The following UGT1A10 variants were observed in gnomAD, a reference collection of about 807,000 sequenced individuals.
UGT1A10 encodes UDP glucuronosyltransferase family 1 member A10.
In UGT1A10, 49 loss-of-function variants were observed where a neutral mutation model predicts 45.8. The ratio of observed to expected loss-of-function variants is 1.07; its 90% CI spans 0.85 to 1.36. The LOEUF (loss-of-function observed/expected upper bound fraction) is 1.36. Ranked by LOEUF, UGT1A10 falls within the 40% of genes most tolerant of loss-of-function variation. The probability of loss-of-function intolerance (pLI) is 0.00; values close to 1 mark genes in which losing one functional copy is unlikely to be tolerated. For missense variants in UGT1A10, 745 were observed against 668.6 expected (o/e 1.11, Z -1.26); for synonymous variants, 284 against 249.7 (o/e 1.14, Z -1.29).
At chr2:233,733,871 G>T (rs1394272645) in intron 1 of UGT1A10, among the ~76,000 whole-genome samples, 1 of 152,036 alleles carries the variant, frequency 6.6e-6, no homozygotes, top group Non-Finnish European at 1.5e-5. Flanking sequence ...AATAGTTTCA[G>T]AAGGAATGGT....
chr2:233,639,866 G>A (rs1382423293), intron 1 of UGT1A10, among the ~76,000 whole-genome samples: 1 of 152,218 alleles, frequency 6.6e-6, no homozygotes, highest in Non-Finnish European at 1.5e-5. Flanking sequence ...GTGTTGATTA[G>A]TGATGTGTAA....
intron 1 of UGT1A10, among the ~76,000 whole-genome samples, chr2:233,727,123 C>T (rs2077584182): frequency 1.3e-5 from 2 of 152,116 alleles, no homozygotes; most frequent in Non-Finnish European, 2.9e-5. Flanking sequence ...GTGAGATTGG[C>T]AGAGGGGAAC....
chr2:233,670,127 G>A (rs2074152816), intron 1 of UGT1A10, among the ~76,000 whole-genome samples: 1 of 152,202 alleles, frequency 6.6e-6, no homozygotes, highest in African/African-American at 2.4e-5. Context: ...AATGAAGTCA[G>A]CTAGAGAAAA....
Position 233,767,161 on chromosome 2 carries a change from A to G in UGT1A10, c.983A>G (p.Gln328Arg), listed in dbSNP as rs72551348. The change falls in exon 2 of 5, where the codon CAG becomes CGG. Residue 328 changes from glutamine (Q) to arginine (R), a missense_variant. Physicochemically the swap from Gln to Arg is conservative, Grantham distance 43. Coordinates refer to ENST00000344644, the MANE Select transcript of UGT1A10 (RefSeq NM_019075.4). Reference sequence around the variant, plus strand: ...GCTGATGCTTTGGGCAAAATCCCTCAGACAGTAAGAAGATTCTATACCATG... The same window carrying G: ...GCTGATGCTTTGGGCAAAATCCCTCGGACAGTAAGAAGATTCTATACCATG... ...AIADALGKIP[Q>R]TVLWRYTGTR... is the part of the protein sequence containing the mutation. 60 of 1,614,012 alleles carry G rather than the reference A, an allele frequency of 3.7e-5. No individual in the cohort carries two copies. The highest frequency in any genetic ancestry group is 4.7e-5 in the Non-Finnish European group (55 of 1,180,018).
rs188435252 is a variant in UGT1A10 at position 233,751,450 on chromosome 2, T to A, written c.856-15584T>A. Among the ~76,000 whole-genome samples the A allele has an allele frequency of 9.0e-3, 1,372 of 152,108 alleles. 30 individuals carry two copies. The highest frequency in any genetic ancestry group is 0.031 in the African/African-American group (1,290 of 41,366). ...GAAATGAGTTAAGACTTTGGAAGAT[T>A]GTTGGGAAGGCACGATTGGTTTTGA... On this transcript the variant is annotated intron_variant, in intron 1 of 4. Coordinates refer to ENST00000344644, the MANE Select transcript of UGT1A10 (RefSeq NM_019075.4).
chr2:233,749,993 A>G (rs1274473533), intron 1 of UGT1A10, among the ~76,000 whole-genome samples: 2 of 151,856 alleles, frequency 1.3e-5, no homozygotes, highest in African/African-American at 4.9e-5. Context: ...GGACTAATAT[A>G]TTAAATTGGT....
intron 1 of UGT1A10, among the ~76,000 whole-genome samples, chr2:233,684,257 G>T (rs1035516558): frequency 6.6e-6 from 1 of 152,204 alleles, no homozygotes; most frequent in African/African-American, 2.4e-5. Flanking sequence ...GACTACAGTT[G>T]TAGGCCTTTC....
At chr2:233,706,326 T>C (rs559515349) in intron 1 of UGT1A10, among the ~76,000 whole-genome samples, 1 of 152,188 alleles carries the variant, frequency 6.6e-6, no homozygotes, top group Non-Finnish European at 1.5e-5. Flanking sequence ...TTGGAACTAT[T>C]CAAGCTGGTG....
At chr2:233,729,878 A>G in intron 1 of UGT1A10, 3 of 1,613,834 alleles carry the variant, frequency 1.9e-6, no homozygotes, top group Non-Finnish European at 1.7e-6. Context: ...ATTCTCAGTC[A>G]TGCATCTGTG....
At chr2:233,717,172 G>A (rs557885764) in intron 1 of UGT1A10, among the ~76,000 whole-genome samples, 1 of 152,170 alleles carries the variant, frequency 6.6e-6, no homozygotes, top group Non-Finnish European at 1.5e-5. Context: ...CTTGAATGTG[G>A]CAAGAGCACC....
At chr2:233,640,300 A>G (rs2073417144) in intron 1 of UGT1A10, among the ~76,000 whole-genome samples, 1 of 152,004 alleles carries the variant, frequency 6.6e-6, no homozygotes, top group African/African-American at 2.4e-5. Context: ...TAATTCATCT[A>G]TCCCCTTATT....
chr2:233,712,865 GGC>G, intron 1 of UGT1A10: 1 of 1,573,780 alleles, frequency 6.4e-7, no homozygotes, highest in Non-Finnish European at 8.6e-7. Flanking sequence ...ACTGGAGGAG[GGC>G]ACTCTGTCTT....
Position 233,713,865 on chromosome 2 carries a change from A to G in UGT1A10, c.856-53169A>G, listed in dbSNP as rs752542051. On this transcript the variant is annotated intron_variant, in intron 1 of 4. Coordinates refer to ENST00000344644, the MANE Select transcript of UGT1A10 (RefSeq NM_019075.4). ...CGGGAAGCCACTATCTCAGGTCTGT[A>G]TTGGTGCCTTTATCCAATCAATGTT... 5.8e-5 allele frequency: 93 copies of G among 1,613,866 alleles called. No individual in the cohort carries two copies. In the African/African-American group the frequency reaches 1.1e-3, roughly 20 times the overall value.
intron 4 of UGT1A10, 146 bp downstream of exon 4, chr2:233,768,585 T>C (rs35500060): frequency 1.2e-4 from 36 of 308,386 alleles, no homozygotes; most frequent in Middle Eastern, 1.5e-3. Context: ...ATTTCTTCTT[T>C]TTTTTTTTTT....
intron 1 of UGT1A10, chr2:233,729,580 G>T (rs1173823141): frequency 2.5e-6 from 4 of 1,613,992 alleles, no homozygotes; most frequent in Non-Finnish European, 3.4e-6. Flanking sequence ...GGTTTTAACA[G>T]ACCCCGTTAA....
chr2:233,734,133 G>T lies in UGT1A10; in HGVS notation c.856-32901G>T, dbSNP rs9711095. Among the ~76,000 whole-genome samples the T allele has an allele frequency of 6.7e-3, 1,025 of 152,076 alleles. 39 individuals carry two copies. Among genetic ancestry groups the T allele is most frequent in the Admixed American group, 0.052 (802 of 15,280 alleles). ...ATAATAATAATAATAAAAAGAATTTGGCTGTGAATCCATCTGGTCCTGGAC... is the reference window on the plus strand; with the variant it reads ...ATAATAATAATAATAAAAAGAATTTTGCTGTGAATCCATCTGGTCCTGGAC... On this transcript the variant is annotated intron_variant, in intron 1 of 4. Transcript: ENST00000344644.
chr2:233,711,761 G>A (rs2125625357), intron 1 of UGT1A10, among the ~76,000 whole-genome samples: 2 of 152,342 alleles, frequency 1.3e-5, no homozygotes, highest in Middle Eastern at 3.4e-3. Context: ...TAGACACAGA[G>A]GAAGTGAGAT....
At chr2:233,681,967 T>C in intron 1 of UGT1A10, 1 of 1,614,120 alleles carries the variant, frequency 6.2e-7, no homozygotes, top group Non-Finnish European at 8.5e-7. Context: ...CTGGCCTCCT[T>C]CCCCTATATG....
chr2:233,682,167 A>C (rs765761733), intron 1 of UGT1A10: 9 of 1,614,002 alleles, frequency 5.6e-6, no homozygotes, highest in Admixed American at 5.0e-5. Flanking sequence ...GTGAAGACTT[A>C]CTCAACCTCA....
Sources: gnomAD v4.1 joint callset for allele counts (sites outside exome capture counted in the v4.1 genomes callset) on GRCh38, gnomAD v4.1.1 for gene constraint, MANE v1.5 for transcripts, NCBI Gene and HGNC (gene_info 2026-07-23, HGNC 2026-07-21) for gene names.